TRPC5: variants seen among roughly 807,000 people sequenced by gnomAD.
The protein encoded by TRPC5 is short transient receptor potential channel 5.
A neutral mutation model predicts 56.5 loss-of-function variants in TRPC5; 9 were observed. The observed-to-expected ratio is 0.16, with a 90% confidence interval of 0.10 to 0.28. The LOEUF is 0.28. TRPC5 is among the 10% of genes least tolerant of loss of function. TRPC5 has a pLI of 1.00. For missense variants in TRPC5, 469 were observed against 748.9 expected (o/e 0.63, Z 4.36); for synonymous variants, 282 against 278.5 (o/e 1.01, Z -0.13).
chrX:112,034,269 G>A (rs2147721353), intron 1 of TRPC5, among the ~76,000 whole-genome samples: 1 of 105,655 alleles, frequency 9.5e-6, no homozygotes, highest in East Asian at 3.0e-4. Flanking sequence ...GATGCAGAAT[G>A]TCTTTTCATT....
At chrX:112,025,035 CT>C (rs779999795) in intron 1 of TRPC5, among the ~76,000 whole-genome samples, 1 of 112,268 alleles carries the variant, frequency 8.9e-6, no homozygotes, top group African/African-American at 3.2e-5. Flanking sequence ...TTAATCATCC[CT>C]GAAACTATTC....
chrX:112,025,233 T>C (rs1569529765), intron 1 of TRPC5, among the ~76,000 whole-genome samples: 1 of 112,020 alleles, frequency 8.9e-6, no homozygotes, highest in African/African-American at 3.2e-5. Flanking sequence ...CTGTAAATAA[T>C]GGTATTTCAG....
chrX:111,974,622 C>A (rs921042964), intron 1 of TRPC5, among the ~76,000 whole-genome samples: 4 of 110,981 alleles, frequency 3.6e-5, no homozygotes, highest in African/African-American at 1.3e-4. Flanking sequence ...TGAAAACGTG[C>A]AACTTCAGAA....
intron 1 of TRPC5, among the ~76,000 whole-genome samples, chrX:111,992,663 C>A (rs1028179469): frequency 9.1e-6 from 1 of 109,303 alleles, no homozygotes; most frequent in Admixed American, 9.8e-5. Flanking sequence ...AGTGCAGTGG[C>A]ACGATCTCAG....
At chrX:111,804,607 T>C in intron 7 of TRPC5, among the ~76,000 whole-genome samples, 1 of 111,630 alleles carries the variant, frequency 9.0e-6, no homozygotes, top group Non-Finnish European at 1.9e-5. Flanking sequence ...TTATTCTTTT[T>C]GTAGCAATTG....
chrX:111,976,084 AT>A (rs1927919586), intron 1 of TRPC5, among the ~76,000 whole-genome samples: 1 of 111,841 alleles, frequency 8.9e-6, no homozygotes, highest in African/African-American at 3.3e-5. Flanking sequence ...ATACAGAAAA[AT>A]TTTTTTATGA....
chrX:111,972,305 G>A (rs906885488), intron 1 of TRPC5, among the ~76,000 whole-genome samples: 6 of 112,116 alleles, frequency 5.4e-5, no homozygotes, highest in Non-Finnish European at 1.1e-4. Flanking sequence ...GAAATCTGAA[G>A]ACGGTATTCA....
chrX:111,873,707 C>T (rs2148594604), intron 3 of TRPC5, among the ~76,000 whole-genome samples: 1 of 110,678 alleles, frequency 9.0e-6, no homozygotes, highest in African/African-American at 3.3e-5. Context: ...TTGCTTGAAC[C>T]CAGGAGGCGG....
chrX:111,850,219 C>T (rs191637239), intron 5 of TRPC5, among the ~76,000 whole-genome samples: 3 of 111,307 alleles, frequency 2.7e-5, no homozygotes, highest in African/African-American at 9.8e-5. Flanking sequence ...AATGGTTATA[C>T]TCCATTTGTA....
intron 1 of TRPC5, among the ~76,000 whole-genome samples, chrX:112,073,105 T>C (rs1169939772): frequency 8.9e-6 from 1 of 112,214 alleles, no homozygotes; most frequent in African/African-American, 3.2e-5. Context: ...GAATTCCCTG[T>C]AGTGCCTTGC....
intron 3 of TRPC5, among the ~76,000 whole-genome samples, chrX:111,885,555 T>C (rs762444126): frequency 8.3e-5 from 9 of 108,728 alleles, no homozygotes; most frequent in Non-Finnish European, 1.3e-4. Context: ...TTTTTTTTTT[T>C]TTAAAAAAAG....
intron 7 of TRPC5, among the ~76,000 whole-genome samples, chrX:111,814,416 T>C (rs892714950): frequency 3.6e-5 from 4 of 110,984 alleles, no homozygotes; most frequent in Non-Finnish European, 7.5e-5. Flanking sequence ...GGAATCACTT[T>C]GAGATTGGTT....
At chrX:111,840,223 T>G (rs148094038) in intron 6 of TRPC5, among the ~76,000 whole-genome samples, 2,258 of 111,683 alleles carry the variant, frequency 0.02, 66 homozygotes, top group African/African-American at 0.071. Flanking sequence ...ACAGGTGTCT[T>G]GCTATATTGC....
intron 8 of TRPC5, among the ~76,000 whole-genome samples, chrX:111,781,701 A>G (rs775514440): frequency 9.2e-6 from 1 of 108,835 alleles, no homozygotes; most frequent in African/African-American, 3.4e-5. Context: ...TCCAGCCTGG[A>G]TGACAGAGCG....
At chrX:112,012,401 T>C in intron 1 of TRPC5, among the ~76,000 whole-genome samples, 1 of 109,531 alleles carries the variant, frequency 9.1e-6, no homozygotes, top group Non-Finnish European at 1.9e-5. Context: ...TTTCTTTTTC[T>C]TTTTTTTGAT....
chrX:111,947,133 T>G, intron 2 of TRPC5, among the ~76,000 whole-genome samples: 1 of 111,389 alleles, frequency 9.0e-6, no homozygotes, highest in Non-Finnish European at 1.9e-5. Flanking sequence ...AGGGCTGATA[T>G]ATCCTCCATT....
At chrX:111,813,819 G>A (rs1471521390) in intron 7 of TRPC5, among the ~76,000 whole-genome samples, 2 of 112,260 alleles carry the variant, frequency 1.8e-5, no homozygotes, top group East Asian at 5.6e-4. Flanking sequence ...TTGAGTATAA[G>A]ACCAGCTCTA....
At chrX:111,902,103 A>G (rs1925378658) in intron 3 of TRPC5, 1 of 1,152,738 alleles carries the variant, frequency 8.7e-7, no homozygotes, top group Admixed American at 2.6e-5. Flanking sequence ...CTAATATTTG[A>G]TATAGATCAG....
At chrX:112,021,287 G>A (rs1376288671) in intron 1 of TRPC5, among the ~76,000 whole-genome samples, 4 of 111,256 alleles carry the variant, frequency 3.6e-5, no homozygotes, top group Admixed American at 9.6e-5. Flanking sequence ...TGTCCACTAT[G>A]TCAACCCATA....
Sources: allele counts gnomAD v4.1 joint callset (sites outside exome capture counted in the v4.1 genomes callset), GRCh38; gene constraint gnomAD v4.1.1; transcripts MANE v1.5; gene names NCBI Gene and HGNC (gene_info 2026-07-23, HGNC 2026-07-21).